Variants in BTG4 observed in about 807,000 individuals in gnomAD.
BTG4 encodes the protein BTG anti-proliferation factor 4.
In BTG4, 10 loss-of-function variants were observed where a neutral mutation model predicts 19.3. That is an observed-to-expected ratio of 0.52 (90% CI 0.32 to 0.88). The LOEUF (loss-of-function observed/expected upper bound fraction) is 0.88. Ranked by LOEUF, BTG4 falls within the 40% of genes least tolerant of loss-of-function variation. The probability of loss-of-function intolerance (pLI) is 0.04; values close to 1 mark genes in which losing one functional copy is unlikely to be tolerated. For missense variants in BTG4, 238 were observed against 281.9 expected (o/e 0.84, Z 1.11); for synonymous variants, 91 against 95.7 (o/e 0.95, Z 0.29).
chr11:111,412,872 A>G, the BTG4 span, among the ~76,000 whole-genome samples: 40,223 of 152,206 alleles, frequency 0.26, 5,581 homozygotes, highest in Admixed American at 0.35. Flanking sequence ...ACTCAACACA[A>G]AACTTCATTG....
At chr11:111,492,018 G>A (rs1865452094), downstream of BTG4, among the ~76,000 whole-genome samples, 1 of 152,094 alleles carries the variant, frequency 6.6e-6, no homozygotes, top group African/African-American at 2.4e-5. Flanking sequence ...GCTCATGGAT[G>A]GCTGCCTCTG....
chr11:111,479,249 A>C (rs1228005147), intron 5 of BTG4, among the ~76,000 whole-genome samples: 1 of 152,108 alleles, frequency 6.6e-6, no homozygotes, highest in East Asian at 1.9e-4. Flanking sequence ...GTCAACCCAA[A>C]ATTCTATACA....
chr11:111,433,719 A>AACAT, the BTG4 span, among the ~76,000 whole-genome samples: 1 of 150,242 alleles, frequency 6.7e-6, no homozygotes, highest in Non-Finnish European at 1.5e-5. Context: ...GAAAAAAACA[A>AACAT]CCCCATCAAA....
chr11:111,403,185 T>C, the BTG4 span, among the ~76,000 whole-genome samples: 1 of 152,158 alleles, frequency 6.6e-6, no homozygotes, highest in East Asian at 1.9e-4. Context: ...ATTTCTCTAC[T>C]TGAGAAACCC....
chr11:111,438,314 T>C, the BTG4 span, among the ~76,000 whole-genome samples: 1 of 152,188 alleles, frequency 6.6e-6, no homozygotes, highest in African/African-American at 2.4e-5. Flanking sequence ...GCACAATCTG[T>C]CTTCCCCACA....
At chr11:111,488,769 G>A (rs900540451) in intron 5 of BTG4, among the ~76,000 whole-genome samples, 12 of 152,034 alleles carry the variant, frequency 7.9e-5, no homozygotes, top group African/African-American at 2.9e-4. Context: ...CAATTTTTTT[G>A]GACAAAAAAT....
At chr11:111,415,595 G>GACCT in the BTG4 span, among the ~76,000 whole-genome samples, 6 of 152,170 alleles carry the variant, frequency 3.9e-5, no homozygotes, top group African/African-American at 1.2e-4. Context: ...GGCCCCACGT[G>GACCT]ACCTAAGGAT....
At chr11:111,464,884 G>A (rs1281464324), downstream of BTG4, among the ~76,000 whole-genome samples, 2 of 152,088 alleles carry the variant, frequency 1.3e-5, no homozygotes, top group Admixed American at 1.3e-4. Context: ...CTATAACTGA[G>A]CAAATTTCCA....
chr11:111,493,373 C>T (rs1335412049), downstream of BTG4, among the ~76,000 whole-genome samples: 1 of 152,152 alleles, frequency 6.6e-6, no homozygotes, highest in African/African-American at 2.4e-5. Flanking sequence ...TAACTAATGA[C>T]AATTGCCTGC....
chr11:111,429,402 C>T, the BTG4 span, among the ~76,000 whole-genome samples: 1 of 152,146 alleles, frequency 6.6e-6, no homozygotes, highest in Non-Finnish European at 1.5e-5. Flanking sequence ...GGTTAAGCAG[C>T]CTGCTCAAGG....
At chr11:111,467,944 A>G (rs935763146) in intron 5 of BTG4, among the ~76,000 whole-genome samples, 1 of 152,196 alleles carries the variant, frequency 6.6e-6, no homozygotes, top group Non-Finnish European at 1.5e-5. Flanking sequence ...TATAAGAGTC[A>G]TGGTTCCAGC....
chr11:111,404,547 C>G, the BTG4 span: 1 of 455,488 alleles, frequency 2.2e-6, no homozygotes, highest in Admixed American at 2.4e-5. Context: ...ACAACTTGAC[C>G]CAAGTGCCCT....
the BTG4 span, among the ~76,000 whole-genome samples, chr11:111,448,900 T>A: frequency 2.0e-5 from 3 of 152,008 alleles, no homozygotes; most frequent in Non-Finnish European, 4.4e-5. Context: ...AAAAAAAAAT[T>A]GTCTAAAATT....
the BTG4 span, among the ~76,000 whole-genome samples, chr11:111,415,220 C>A: frequency 6.6e-6 from 1 of 151,578 alleles, no homozygotes; most frequent in Non-Finnish European, 1.5e-5. Flanking sequence ...TTACTGTTAC[C>A]AGTGACCCCC....
At chr11:111,405,548 T>C in the BTG4 span, among the ~76,000 whole-genome samples, 2 of 151,852 alleles carry the variant, frequency 1.3e-5, no homozygotes, top group Non-Finnish European at 2.9e-5. Context: ...TTTGGCAAGA[T>C]TTGGTATCTG....
chr11:111,415,646 C>T, the BTG4 span, among the ~76,000 whole-genome samples: 1 of 152,166 alleles, frequency 6.6e-6, no homozygotes, highest in Non-Finnish European at 1.5e-5. Flanking sequence ...CCCAGAGAAT[C>T]AGGCCTCCAG....
chr11:111,479,983 G>A (rs932440636), intron 5 of BTG4, among the ~76,000 whole-genome samples: 2 of 152,014 alleles, frequency 1.3e-5, no homozygotes, highest in East Asian at 1.9e-4. Context: ...TGGTAAACTC[G>A]AGGCCTAACA....
At chr11:111,491,466 G>C (rs1033741208), downstream of BTG4, among the ~76,000 whole-genome samples, 11 of 152,072 alleles carry the variant, frequency 7.2e-5, no homozygotes, top group African/African-American at 2.4e-4. Context: ...AAAAAGAGAA[G>C]GCCAGGCATG....
chr11:111,511,640 A>C (rs1234382400), intron 1 of BTG4, among the ~76,000 whole-genome samples: 1 of 152,204 alleles, frequency 6.6e-6, no homozygotes, highest in African/African-American at 2.4e-5. Context: ...TCTCCTGATT[A>C]ATTCATTAAA....
Sources: allele counts gnomAD v4.1 joint callset (sites outside exome capture counted in the v4.1 genomes callset), GRCh38; gene constraint gnomAD v4.1.1; transcripts MANE v1.5; gene names NCBI Gene and HGNC (gene_info 2026-07-23, HGNC 2026-07-21).